The following ROBO2 variants were observed in gnomAD, a reference collection of about 807,000 sequenced individuals.
ROBO2 encodes the protein roundabout homolog 2.
Under a neutral mutation model 160.8 loss-of-function variants are expected in ROBO2, and 53 were observed. The ratio of observed to expected loss-of-function variants is 0.33; its 90% CI spans 0.26 to 0.41. The LOEUF is 0.41. ROBO2 is among the 10% of genes least tolerant of loss of function. The pLI is 1.00. For missense variants in ROBO2, 1,577 were observed against 1,722.4 expected, an observed-to-expected ratio of 0.92 and a Z score of 1.49; for synonymous variants, 664 against 611.7, an observed-to-expected ratio of 1.09 and a Z score of -1.26.
intron 2 of ROBO2, among the ~76,000 whole-genome samples, chr3:77,385,767 T>C (rs370025105): frequency 2.3e-4 from 35 of 152,278 alleles, no homozygotes; most frequent in African/African-American, 7.9e-4. Context: ...CAGTAAGACA[T>C]TGTATGTTTT....
At chr3:77,300,439 G>C (rs892013739) in intron 2 of ROBO2, among the ~76,000 whole-genome samples, 2 of 152,052 alleles carry the variant, frequency 1.3e-5, no homozygotes, top group African/African-American at 2.4e-5. Context: ...AAAATGTAGA[G>C]AGCATGAATG....
At chr3:76,085,610 C>G (rs2068986056) in intron 2 of ROBO2, among the ~76,000 whole-genome samples, 1 of 152,148 alleles carries the variant, frequency 6.6e-6, no homozygotes, top group South Asian at 2.1e-4. Context: ...TTAGATCCAT[C>G]TAGAGGTCAG....
intron 2 of ROBO2, among the ~76,000 whole-genome samples, chr3:77,434,049 T>C (rs2079051458): frequency 6.6e-6 from 1 of 152,098 alleles, no homozygotes; most frequent in African/African-American, 2.4e-5. Context: ...ATCATGTTGC[T>C]CTTCTATTTG....
chr3:77,295,485 G>C (rs1474380222), intron 2 of ROBO2, among the ~76,000 whole-genome samples: 4 of 150,404 alleles, frequency 2.7e-5, no homozygotes, highest in Admixed American at 2.6e-4. Context: ...TGGGTAAGCT[G>C]AGGCTAGATC....
At chr3:77,642,496 C>T (rs866228900) in intron 24 of ROBO2, among the ~76,000 whole-genome samples, 175 bp from the exon 26 acceptor site, 5 of 152,144 alleles carry the variant, frequency 3.3e-5, no homozygotes, top group Non-Finnish European at 5.9e-5. Flanking sequence ...GGCCAAAAGA[C>T]AGCAGAGAGA....
chr3:77,179,998 A>G (rs557827785), intron 2 of ROBO2, among the ~76,000 whole-genome samples: 1 of 152,158 alleles, frequency 6.6e-6, no homozygotes, highest in South Asian at 2.1e-4. Flanking sequence ...TGTGTTTGAG[A>G]TGGGGAGGGA....
intron 2 of ROBO2, among the ~76,000 whole-genome samples, chr3:76,225,483 T>A (rs1290353868): frequency 6.6e-6 from 1 of 152,140 alleles, no homozygotes; most frequent in Non-Finnish European, 1.5e-5. Context: ...GGGAAGCCAA[T>A]GCAGGCAAAT....
chr3:77,168,610 G>A (rs2079328475), intron 2 of ROBO2, among the ~76,000 whole-genome samples: 1 of 151,976 alleles, frequency 6.6e-6, no homozygotes, highest in South Asian at 2.1e-4. Flanking sequence ...CCTCTCATTA[G>A]AATGTTATAC....
chr3:76,958,730 G>T (rs924014894), intron 2 of ROBO2, among the ~76,000 whole-genome samples: 1 of 152,172 alleles, frequency 6.6e-6, no homozygotes, highest in Non-Finnish European at 1.5e-5. Flanking sequence ...GTCAGGTTTT[G>T]TCCACATGGT....
chr3:77,431,715 G>A lies in ROBO2; in HGVS notation c.389-45699G>A, dbSNP rs369780184. ...AATCTATACTTGGCTCCCTAAAAGA[G>A]CTAGTCAGTGATGAAAAGGGGCAGA... is the stretch of plus-strand genomic sequence containing the variant. On this transcript the variant is annotated intron_variant, in intron 2 of 25. Coordinates refer to ENST00000461745, the Ensembl canonical transcript of ROBO2. Among the ~76,000 whole-genome samples the A allele has an allele frequency of 2.6e-5, 4 of 152,130 alleles. No individual in the cohort carries two copies. The South Asian group carries it at 8.3e-4, about 32-fold the overall frequency.
chr3:76,039,091 G>A (rs1387636220), intron 2 of ROBO2, among the ~76,000 whole-genome samples: 2 of 151,906 alleles, frequency 1.3e-5, no homozygotes, highest in African/African-American at 4.9e-5. Flanking sequence ...AGAAGAAACT[G>A]CGTAATTGAC....
chr3:77,161,011 A>G (rs7433251), intron 2 of ROBO2, among the ~76,000 whole-genome samples: 62,192 of 151,868 alleles, frequency 0.41, 13,251 homozygotes, highest in Middle Eastern at 0.54. Context: ...TGAGTGGTTA[A>G]CTGGTTCCAC....
intron 2 of ROBO2, among the ~76,000 whole-genome samples, chr3:76,439,824 C>A (rs1009674008): frequency 1.5e-4 from 23 of 152,148 alleles, no homozygotes; most frequent in African/African-American, 5.3e-4. Flanking sequence ...TACCCTCTTT[C>A]TTTTGCCGTT....
rs2078852441 is a variant in ROBO2 at position 77,164,703 on chromosome 3, AGG to A, written c.388+66365_388+66366del. On this transcript the variant is annotated intron_variant, in intron 2 of 25. Coordinates refer to ENST00000461745, the Ensembl canonical transcript of ROBO2. ...CGCCTGGCCAGCCGTGCTGTCCGGG[AGG>A]GAGGTGGGGGTGTCAGCCCTCCGCC... Among the ~76,000 whole-genome samples, 2 of 94,752 alleles carry A rather than the reference AGG, an allele frequency of 2.1e-5. 1 individual carries two copies. The highest frequency in any genetic ancestry group is 4.5e-5 in the Non-Finnish European group (2 of 44,294). 62.2% of individuals were successfully genotyped at this position (94,752 alleles called of 152,430 possible). A position where few individuals can be genotyped will look rare whatever the true frequency, so the allele number is the denominator to read the frequency against.
intron 2 of ROBO2, among the ~76,000 whole-genome samples, chr3:76,882,496 A>G (rs1235529030): frequency 6.6e-6 from 1 of 152,128 alleles, no homozygotes; most frequent in Non-Finnish European, 1.5e-5. Context: ...CTTTCAGGGT[A>G]TCAAAATAGC....
intron 2 of ROBO2, among the ~76,000 whole-genome samples, chr3:77,392,210 C>T (rs947559161): frequency 2.6e-5 from 4 of 152,042 alleles, no homozygotes; most frequent in African/African-American, 4.8e-5. Context: ...TGTGGTCTAC[C>T]ATGTATCCTT....
At chr3:77,178,961 C>T (rs573048987) in intron 2 of ROBO2, among the ~76,000 whole-genome samples, 2 of 152,156 alleles carry the variant, frequency 1.3e-5, no homozygotes, top group East Asian at 3.9e-4. Flanking sequence ...ACTTGGCAAT[C>T]TGCTAATGGT....
At chr3:77,461,996 G>T (rs550592740) in intron 2 of ROBO2, among the ~76,000 whole-genome samples, 109 of 152,258 alleles carry the variant, frequency 7.2e-4, no homozygotes, top group Non-Finnish European at 1.4e-3. Flanking sequence ...AAAGTGCTGG[G>T]ATTACAGGCG....
chr3:77,598,505 G>GTATATATA (rs2094358965), intron 19 of ROBO2, among the ~76,000 whole-genome samples: 1 of 105,964 alleles, frequency 9.4e-6, no homozygotes, highest in Admixed American at 1.1e-4. Context: ...ATATATATAC[G>GTATATATA]CACACACATA....
Sources: allele counts gnomAD v4.1 joint callset (sites outside exome capture counted in the v4.1 genomes callset), GRCh38; gene constraint gnomAD v4.1.1; transcripts MANE v1.5; gene names NCBI Gene and HGNC (gene_info 2026-07-23, HGNC 2026-07-21).